Variants in TUSC3 observed in about 807,000 individuals in gnomAD.
TUSC3 encodes dolichyl-diphosphooligosaccharide--protein glycosyltransferase subunit TUSC3.
TUSC3 carries 45 observed loss-of-function variants against 44.8 expected under a neutral mutation model. The observed-to-expected ratio is 1.00, with a 90% CI of 0.79 to 1.29. TUSC3 has a LOEUF of 1.29. Among genes scored for constraint, TUSC3 ranks in the 50% most tolerant of loss-of-function variants. The pLI is 0.00. For missense variants in TUSC3, 519 were observed against 437.9 expected (o/e 1.19, Z -1.65); for synonymous variants, 212 against 152.9 (o/e 1.39, Z -2.85).
intron 1 of TUSC3, among the ~76,000 whole-genome samples, chr8:15,439,894 A>T (rs187119568): frequency 6.6e-6 from 1 of 152,332 alleles, no homozygotes; most frequent in East Asian, 1.9e-4. Context: ...CTTTTGAATC[A>T]TTGCATCATT....
intron 1 of TUSC3, among the ~76,000 whole-genome samples, chr8:15,619,124 G>T (rs1805127830): frequency 6.6e-6 from 1 of 152,132 alleles, no homozygotes; most frequent in Admixed American, 6.6e-5. Flanking sequence ...GATTTTACTG[G>T]TATTTTAGCC....
chr8:15,647,874 C>T (rs1237779227), intron 2 of TUSC3, among the ~76,000 whole-genome samples: 1 of 152,154 alleles, frequency 6.6e-6, no homozygotes, highest in Non-Finnish European at 1.5e-5. Flanking sequence ...AGTCCATTCC[C>T]AATCTCATTG....
chr8:15,452,684 T>C (rs1800209760), intron 1 of TUSC3, among the ~76,000 whole-genome samples: 1 of 152,164 alleles, frequency 6.6e-6, no homozygotes, highest in South Asian at 2.1e-4. Flanking sequence ...GCTTTGTGTG[T>C]CACAATCTTC....
intron 6 of TUSC3, among the ~76,000 whole-genome samples, chr8:15,697,970 T>C (rs1809241724): frequency 1.3e-5 from 2 of 152,206 alleles, no homozygotes; most frequent in African/African-American, 4.8e-5. Flanking sequence ...TTTGGACTTA[T>C]CCAAAATATA....
At chr8:15,622,994 A>G (rs1348348486) in intron 1 of TUSC3, 86 bp from the exon 2 acceptor site, 1 of 1,376,856 alleles carries the variant, frequency 7.3e-7, no homozygotes, top group Non-Finnish European at 1.0e-6. Context: ...AGGAAAAAGA[A>G]AATAAAACAT....
chr8:15,665,658 T>C (rs1807623641), intron 5 of TUSC3, among the ~76,000 whole-genome samples: 1 of 151,286 alleles, frequency 6.6e-6, no homozygotes. Flanking sequence ...TATGCAAATA[T>C]ATTACTTTGC....
chr8:15,714,014 A>G (rs1809965227), intron 6 of TUSC3, among the ~76,000 whole-genome samples: 1 of 152,192 alleles, frequency 6.6e-6, no homozygotes, highest in Non-Finnish European at 1.5e-5. Context: ...TTTTAGTGAA[A>G]GTGCGCCTTG....
chr8:15,850,247 C>A, the TUSC3 span, among the ~76,000 whole-genome samples: 4 of 151,768 alleles, frequency 2.6e-5, no homozygotes, highest in African/African-American at 9.7e-5. Context: ...TATTATGTAA[C>A]ATTAGTATCC....
intron 2 of TUSC3, among the ~76,000 whole-genome samples, chr8:15,530,560 C>T (rs1801436190): frequency 6.6e-6 from 1 of 152,082 alleles, no homozygotes; most frequent in South Asian, 2.1e-4. Context: ...TAGTAAGAGA[C>T]AGAGCAAGGA....
At chr8:15,609,521 G>C (rs1804671101) in intron 1 of TUSC3, among the ~76,000 whole-genome samples, 1 of 151,980 alleles carries the variant, frequency 6.6e-6, no homozygotes, top group Non-Finnish European at 1.5e-5. Context: ...TCCAACAGAA[G>C]GATATGAAAG....
the TUSC3 span, among the ~76,000 whole-genome samples, chr8:15,821,937 G>C: frequency 1.3e-5 from 2 of 152,270 alleles, no homozygotes; most frequent in Non-Finnish European, 2.9e-5. Flanking sequence ...CAGGTAAAGA[G>C]GGTGACCTCT....
intron 6 of TUSC3, among the ~76,000 whole-genome samples, chr8:15,728,474 G>C (rs1166469694): frequency 6.9e-6 from 1 of 145,518 alleles, no homozygotes; most frequent in East Asian, 2.2e-4. Context: ...GGGAGGGAGG[G>C]AGGAGAGAAG....
chr8:15,590,652 A>T (rs1224873199), intron 1 of TUSC3, among the ~76,000 whole-genome samples: 1 of 150,952 alleles, frequency 6.6e-6, no homozygotes, highest in African/African-American at 2.4e-5. Flanking sequence ...TTATTTATTT[A>T]TTATTATTAT....
intron 3 of TUSC3, chr8:15,651,021 A>G: frequency 4.0e-6 from 2 of 502,550 alleles, no homozygotes; most frequent in Non-Finnish European, 3.6e-6. Flanking sequence ...ACACACACAC[A>G]CAAATACAAT....
chr8:15,836,652 A>G, the TUSC3 span, among the ~76,000 whole-genome samples: 8 of 152,116 alleles, frequency 5.3e-5, no homozygotes, highest in South Asian at 8.3e-4. Flanking sequence ...GTGACTTCCT[A>G]TTATATATTA....
At chr8:15,576,602 A>C (rs1228075394) in intron 1 of TUSC3, among the ~76,000 whole-genome samples, 3 of 143,996 alleles carry the variant, frequency 2.1e-5, no homozygotes, top group South Asian at 2.3e-4. Flanking sequence ...GAGAATGATG[A>C]TTTCCAGTTT....
At chr8:15,597,488 A>T (rs1563125703) in intron 1 of TUSC3, among the ~76,000 whole-genome samples, 1 of 152,120 alleles carries the variant, frequency 6.6e-6, no homozygotes, top group Non-Finnish European at 1.5e-5. Context: ...TCTTTAAATT[A>T]TTGCCTTTGG....
intron 2 of TUSC3, among the ~76,000 whole-genome samples, chr8:15,533,386 A>C (rs557911438): frequency 1.3e-5 from 2 of 152,246 alleles, no homozygotes; most frequent in South Asian, 4.1e-4. Context: ...GGAAGCAATC[A>C]GATATCCATT....
chr8:15,741,795 A>C (rs539237262), intron 7 of TUSC3, among the ~76,000 whole-genome samples: 1 of 152,144 alleles, frequency 6.6e-6, no homozygotes, highest in Admixed American at 6.5e-5. Context: ...AAATTTATAC[A>C]TGCATATAAA....
Sources: allele counts gnomAD v4.1 joint callset (sites outside exome capture counted in the v4.1 genomes callset), GRCh38; gene constraint gnomAD v4.1.1; transcripts MANE v1.5; gene names NCBI Gene and HGNC (gene_info 2026-07-23, HGNC 2026-07-21).